The following RNF6 variants were observed in gnomAD, a reference collection of about 807,000 sequenced individuals.
RNF6 encodes E3 ubiquitin-protein ligase RNF6.
In RNF6, 21 loss-of-function variants were observed where a neutral mutation model predicts 50.1. The observed-to-expected ratio is 0.42, with a 90% CI of 0.30 to 0.60. The LOEUF is 0.60. RNF6 is among the 20% of genes least tolerant of loss of function. RNF6 has a pLI of 0.20. For synonymous variants in RNF6, 255 were observed against 291.8 expected (o/e 0.87, Z 1.29); for missense variants, 698 against 838.2 (o/e 0.83, Z 2.07).
At chr13:26,208,101 T>G (rs574072236), downstream of RNF6, among the ~76,000 whole-genome samples, 1 of 152,236 alleles carries the variant, frequency 6.6e-6, no homozygotes, top group Non-Finnish European at 1.5e-5. Flanking sequence ...TTTAGGTGTG[T>G]GCAGAAAAGA....
intron 5 of RNF6, among the ~76,000 whole-genome samples, chr13:26,151,905 C>T (rs907952024): frequency 6.6e-6 from 1 of 152,142 alleles, no homozygotes; most frequent in Non-Finnish European, 1.5e-5. Flanking sequence ...CAAGCTGGTC[C>T]CTCTACCCGT....
chr13:26,138,471 T>A (rs1244408328), intron 5 of RNF6, among the ~76,000 whole-genome samples: 1 of 149,538 alleles, frequency 6.7e-6, no homozygotes, highest in Admixed American at 6.6e-5. Context: ...TTATATATAT[T>A]TTTTTCTTTG....
chr13:26,175,331 T>C (rs1872903420), intron 5 of RNF6, among the ~76,000 whole-genome samples: 1 of 152,176 alleles, frequency 6.6e-6, no homozygotes, highest in Non-Finnish European at 1.5e-5. Context: ...TCTGCCTGCC[T>C]CGGGCCCCCA....
intron 5 of RNF6, chr13:26,144,838 T>G (rs991227733): frequency 6.6e-6 from 1 of 152,204 alleles, no homozygotes; most frequent in Non-Finnish European, 1.5e-5. Flanking sequence ...ATGTAATTTC[T>G]TTGTGCTTCA....
chr13:26,135,737 G>A (rs1293833971), intron 5 of RNF6: 1 of 152,148 alleles, frequency 6.6e-6, no homozygotes, highest in African/African-American at 2.4e-5. Flanking sequence ...CACCAATGTT[G>A]GTGGTAGGCC....
intron 5 of RNF6, among the ~76,000 whole-genome samples, chr13:26,197,543 A>G (rs1245196788): frequency 6.6e-6 from 1 of 151,476 alleles, no homozygotes; most frequent in Non-Finnish European, 1.5e-5. Flanking sequence ...ATTTTTTGAA[A>G]TTTTGTCACT....
At chr13:26,148,632 T>TTTTATATATATA (rs1555314571) in intron 5 of RNF6, among the ~76,000 whole-genome samples, 2 of 47,086 alleles carry the variant, frequency 4.2e-5, no homozygotes, top group African/African-American at 2.1e-4. Context: ...ATAAATCTCT[T>TTTTATATATATA]TATATATATA....
chr13:26,171,903 G>A (rs1021530288), intron 5 of RNF6, among the ~76,000 whole-genome samples: 4 of 152,192 alleles, frequency 2.6e-5, no homozygotes, highest in Non-Finnish European at 4.4e-5. Flanking sequence ...GGGGCTAGGG[G>A]AAGGGGGTAA....
chr13:26,171,452 C>T (rs570466182), intron 5 of RNF6, among the ~76,000 whole-genome samples: 1 of 152,076 alleles, frequency 6.6e-6, no homozygotes. Context: ...TTGGTGGGAA[C>T]GTAAAATAGT....
chr13:26,188,739 C>T (rs1304109189), intron 5 of RNF6, among the ~76,000 whole-genome samples: 1 of 140,192 alleles, frequency 7.1e-6, no homozygotes, highest in Non-Finnish European at 1.5e-5. Context: ...AAGCACTTAT[C>T]CTGCCTCAGC....
At chr13:26,187,317 C>G (rs1873603063) in intron 5 of RNF6, among the ~76,000 whole-genome samples, 1 of 152,142 alleles carries the variant, frequency 6.6e-6, no homozygotes, top group Admixed American at 6.5e-5. Flanking sequence ...AAGGGGGAAA[C>G]GTTTGGAGGT....
At chr13:26,186,211 A>G (rs1029816140) in intron 5 of RNF6, among the ~76,000 whole-genome samples, 1 of 152,250 alleles carries the variant, frequency 6.6e-6, no homozygotes, top group African/African-American at 2.4e-5. Context: ...GGAAAAGTTC[A>G]AAAACAGATC....
Position 26,215,564 on chromosome 13 carries a change from A to T in RNF6, c.318T>A (p.His106Gln). 6.2e-7 allele frequency: 1 copy of T among 1,607,636 alleles called. No individual in the cohort carries two copies. The highest frequency in any genetic ancestry group is 8.5e-7 in the Non-Finnish European group (1 of 1,179,592). The part of the protein sequence containing the change: ...RDSEVPRESS[H>Q]EDSLLEWLNT... ...TCAACCATTCTAGAAGAGAATCTTC[A>T]TGTGAACTTTCTCTAGGGACTTCTG... is the stretch of plus-strand genomic sequence containing the variant. The change falls in exon 5 of 5, where the codon CAT becomes CAA. Residue 106 changes from histidine to glutamine, a missense_variant. Coordinates refer to ENST00000381588, the MANE Select transcript of RNF6 (RefSeq NM_005977.4).
intron 5 of RNF6, among the ~76,000 whole-genome samples, chr13:26,136,304 G>C (rs527254342): frequency 2.4e-4 from 36 of 152,290 alleles, no homozygotes; most frequent in African/African-American, 7.7e-4. Context: ...ATATAGATCA[G>C]AATAGTCAAA....
downstream of RNF6, among the ~76,000 whole-genome samples, chr13:26,209,231 C>T (rs975154522): frequency 5.0e-4 from 76 of 152,322 alleles, no homozygotes; most frequent in Middle Eastern, 3.4e-3. Flanking sequence ...TCCTCAAACA[C>T]CTGCCTGCCA....
chr13:26,161,958 T>C (rs993866014), intron 5 of RNF6, among the ~76,000 whole-genome samples: 4 of 152,244 alleles, frequency 2.6e-5, no homozygotes, highest in Admixed American at 2.6e-4. Context: ...TACTTTCATA[T>C]ACTGAGCAAT....
chr13:26,216,696 T>G (rs2137771185), intron 4 of RNF6, among the ~76,000 whole-genome samples: 1 of 152,344 alleles, frequency 6.6e-6, no homozygotes, highest in African/African-American at 2.4e-5. Context: ...GGCTCACACC[T>G]GTAATCCCAG....
At position 26,164,056 on chromosome 13, in the gene RNF6, T is replaced by A. The variant is rs370345417; in HGVS notation, n.769-31605A>T. Among the ~76,000 whole-genome samples the A allele has an allele frequency of 7.2e-5, 11 of 152,362 alleles. No homozygotes were observed. The East Asian group carries it at 1.9e-3, about 27-fold the overall frequency. On this transcript the variant is annotated intron_variant and non_coding_transcript_variant, in intron 5 of 5. Coordinates refer to the RNF6 transcript ENST00000468480. ...AAAAATACTAAAAATTCGATTTGTA[T>A]GTTTTAATCGAAAAGAAAATAAATT...
intron 5 of RNF6, among the ~76,000 whole-genome samples, chr13:26,175,240 C>G (rs556020386): frequency 6.6e-6 from 1 of 152,236 alleles, no homozygotes; most frequent in South Asian, 2.1e-4. Context: ...ACCACCATGC[C>G]TGGCTAATTT....
Sources: gnomAD v4.1 joint callset for allele counts (sites outside exome capture counted in the v4.1 genomes callset) on GRCh38, gnomAD v4.1.1 for gene constraint, MANE v1.5 for transcripts, NCBI Gene and HGNC (gene_info 2026-07-23, HGNC 2026-07-21) for gene names.